Variants in MAGEB18 observed in about 807,000 individuals in gnomAD.
The protein encoded by MAGEB18 is melanoma-associated antigen B18.
A neutral mutation model predicts 6.3 loss-of-function variants in MAGEB18; 6 were observed. The ratio of observed to expected loss-of-function variants is 0.95; its 90% CI spans 0.52 to 1.87. The LOEUF (loss-of-function observed/expected upper bound fraction) is 1.87. MAGEB18 is among the 40% of genes most tolerant of loss of function. The pLI is 0.01. For missense variants in MAGEB18, 228 were observed against 265.4 expected (o/e 0.86, Z 0.98); for synonymous variants, 93 against 97.0 (o/e 0.96, Z 0.24).
In MAGEB18 at chrX:26,139,705, C is replaced by T; in HGVS notation, c.720C>T (p.Pro240=). ...GGAAGCACTTCCTCTATGGGGATCCCAGGAAGGTCATGACCAAAGATTTGG... is the reference window on the plus strand; with the variant it reads ...GGAAGCACTTCCTCTATGGGGATCCTAGGAAGGTCATGACCAAAGATTTGG... The part of the protein sequence containing the change: ...ADRKHFLYGD[P]RKVMTKDLVQ... The change falls in exon 2 of 3, where the codon CCC becomes CCT. Residue 240 remains proline (P), a synonymous_variant. Transcript: ENST00000325250. 1 of 1,211,049 alleles carries T rather than the reference C, an allele frequency of 8.3e-7. No homozygotes were observed. The highest frequency in any genetic ancestry group is 1.1e-6 in the Non-Finnish European group (1 of 895,227).
rs188582818 is a variant in MAGEB18, at chrX:26,140,147, A to G, written c.*37-33A>G. On this transcript the variant is annotated intron_variant, in intron 2 of 2. Coordinates refer to ENST00000325250, the MANE Select transcript of MAGEB18 (RefSeq NM_173699.4). ...ATTCCTATTGTATATTGATAACTCG[A>G]GTTTTACTTTTCCATCTTTTTGTTT... The G allele has an allele frequency of 4.2e-4, 242 of 582,321 alleles. 6 individuals carry two copies. The Admixed American group carries it at 9.9e-3, about 24-fold the overall frequency. The allele number at this position is 582,321 out of a possible 1,213,427, so 48.0% of individuals were successfully genotyped here.
rs1928440307 is a variant in MAGEB18 at position 26,140,225 on chromosome X, A to G, written c.*82A>G. 2.5e-6 allele frequency: 1 copy of G among 408,088 alleles called. No individual in the cohort carries two copies. Among genetic ancestry groups the G allele is most frequent in the Non-Finnish European group, 4.1e-6 (1 of 241,514 alleles). The allele number at this position is 408,088 out of a possible 1,213,427, so 33.6% of individuals were successfully genotyped here. A position where few individuals can be genotyped will look rare whatever the true frequency, so the allele number is the denominator to read the frequency against. Reference sequence around the variant, plus strand: ...GTCTGAAGATTGTTTTCTTTGTGGAAGAGAAGAGCAGTCAACATTCTAAGT... The same window carrying G: ...GTCTGAAGATTGTTTTCTTTGTGGAGGAGAAGAGCAGTCAACATTCTAAGT... On this transcript the variant is annotated 3_prime_UTR_variant, in exon 3 of 3. Coordinates refer to ENST00000325250, the MANE Select transcript of MAGEB18 (RefSeq NM_173699.4).
intron 2 of MAGEB18, 52 bp downstream of exon 2, chrX:26,140,105 G>GCATTCCT: frequency 1.2e-6 from 1 of 839,039 alleles, no homozygotes. Flanking sequence ...GAAGAAATAA[G>GCATTCCT]TGTATATCAT....
chrX:26,138,857 C>T, intron 1 of MAGEB18, 67 bp from the exon 2 acceptor site: 1 of 542,645 alleles, frequency 1.8e-6, no homozygotes, highest in Non-Finnish European at 2.9e-6. Flanking sequence ...GAGAGGTGGC[C>T]ATTCTTAGAC....
In MAGEB18 at chrX:26,139,992, C is replaced by T; in HGVS notation, c.1007C>T (p.Ser336Phe). The T allele has an allele frequency of 8.4e-7, 1 of 1,190,528 alleles. No homozygotes were observed. Among genetic ancestry groups the T allele is most frequent in the Non-Finnish European group, 1.1e-6 (1 of 884,494 alleles). ...GCAAATGCACGTTCCAGAACCACGT[C>T]TAGCAGCTTCTCCCATGCTAAGTGA... ...AMANARSRTT[S>F]SSFSHAK is the part of the protein sequence containing the mutation. Residue 336 changes from serine to phenylalanine, a missense_variant, in exon 2 of 3, where the codon TCT (serine) becomes TTT (phenylalanine). Coordinates refer to ENST00000325250, the MANE Select transcript of MAGEB18 (RefSeq NM_173699.4).
chrX:26,139,687 C>T lies in MAGEB18; in HGVS notation c.702C>T (p.His234=), dbSNP rs1188130087. The change falls in exon 2 of 3, where the codon CAC becomes CAT. Residue 234 remains histidine, a synonymous_variant. Coordinates refer to ENST00000325250, the MANE Select transcript of MAGEB18 (RefSeq NM_173699.4). The stretch of plus-strand genomic sequence containing the variant: ...TGGGTGTATATGCCGATAGGAAGCA[C>T]TTCCTCTATGGGGATCCCAGGAAGG... ...NMMGVYADRK[H]FLYGDPRKVM... 1 of 1,210,916 alleles carries T rather than the reference C, an allele frequency of 8.3e-7. No homozygotes were observed. The highest frequency in any genetic ancestry group is 2.2e-5 in the Admixed American group (1 of 45,948).
In MAGEB18 at chrX:26,139,849, A is replaced by G; in HGVS notation, c.864A>G (p.Val288=). 8.3e-7 allele frequency: 1 copy of G among 1,211,335 alleles called. No individual in the cohort carries two copies. ...GCAAGATGAAAGTCCTGGAGTTTGTAGCCAAGATACATGATACCGTCCCTA... is the reference window on the plus strand; with the variant it reads ...GCAAGATGAAAGTCCTGGAGTTTGTGGCCAAGATACATGATACCGTCCCTA... ...ETSKMKVLEF[V]AKIHDTVPSA... The change falls in exon 2 of 3, where the codon GTA becomes GTG. Residue 288 remains valine (V), a synonymous_variant. Transcript: ENST00000325250.
chrX:26,139,894 T>G lies in MAGEB18; in HGVS notation c.909T>G (p.Tyr303Ter). The G allele has an allele frequency of 8.3e-7, 1 of 1,209,603 alleles. No individual in the cohort carries two copies. Among genetic ancestry groups the G allele is most frequent in the Non-Finnish European group, 1.1e-6 (1 of 894,314 alleles). Residue 303 changes from tyrosine to a stop codon, truncating the protein, a stop_gained, in exon 2 of 3, where the codon TAT becomes TAG. Coordinates refer to ENST00000325250, the MANE Select transcript of MAGEB18 (RefSeq NM_173699.4). LOFTEE classifies it low-confidence loss of function (END_TRUNC). Reference protein sequence around the residue: ...DTVPSAFPSCYEEALRDEEQR... With the variant: ...DTVPSAFPSC ...TCCCTAGTGCCTTCCCATCCTGCTA[T>G]GAAGAGGCTTTGAGGGATGAGGAAC...
chrX:26,140,097 A>G, intron 2 of MAGEB18, 44 bp downstream of exon 2: 18 of 890,148 alleles, frequency 2.0e-5, no homozygotes, highest in Non-Finnish European at 2.8e-5. Flanking sequence ...TGGGGCTGGA[A>G]GAAATAAGTG....
At position 26,139,034 on chromosome X, in the gene MAGEB18, C is replaced by G. The variant is rs1292690056; in HGVS notation, c.49C>G (p.Gln17Glu). ...SKLRAREKRH[Q>E]ARCENQDLGA... ...GCTCCGTGCCCGTGAGAAACGCCACCAGGCTCGTTGTGAGAATCAGGATCT... is the reference window on the plus strand; with the variant it reads ...GCTCCGTGCCCGTGAGAAACGCCACGAGGCTCGTTGTGAGAATCAGGATCT... Residue 17 changes from glutamine to glutamate, a missense_variant, in exon 2 of 3, where the codon CAG (glutamine) becomes GAG (glutamate). Coordinates refer to ENST00000325250, the MANE Select transcript of MAGEB18 (RefSeq NM_173699.4). 1.7e-6 allele frequency: 2 copies of G among 1,207,695 alleles called. No homozygotes were observed. The highest frequency in any genetic ancestry group is 2.2e-5 in the Admixed American group (1 of 45,306).
chrX:26,139,428 T>A lies in MAGEB18; in HGVS notation c.443T>A (p.Ile148Asn), dbSNP rs749612397. Residue 148 changes from isoleucine to asparagine, a missense_variant, in exon 2 of 3, where the codon ATC (isoleucine) becomes AAC (asparagine). By Grantham distance (149) the Ile-to-Asn change is moderately radical. Transcript: ENST00000325250. The part of the protein sequence containing the change: ...IRKDKCHFNE[I>N]LKRASEHMEL... ...AAGGATAAGTGTCACTTCAATGAGATCCTCAAGAGAGCCTCTGAGCACATG... is the reference window on the plus strand; with the variant it reads ...AAGGATAAGTGTCACTTCAATGAGAACCTCAAGAGAGCCTCTGAGCACATG... 18 of 1,198,727 alleles carry A rather than the reference T, an allele frequency of 1.5e-5. No individual in the cohort carries two copies. In the Admixed American group the frequency reaches 4.1e-4, roughly 27 times the overall value.
rs146199149 is a variant in MAGEB18 at position 26,139,662 on chromosome X, T to C, written c.677T>C (p.Met226Thr). ...EEAVWEIMNM[M>T]GVYADRKHFL... ...GCAGTCTGGGAAATTATGAATATGATGGGTGTATATGCCGATAGGAAGCAC... is the reference window on the plus strand; with the variant it reads ...GCAGTCTGGGAAATTATGAATATGACGGGTGTATATGCCGATAGGAAGCAC... The change falls in exon 2 of 3, where the codon ATG becomes ACG. Residue 226 changes from methionine to threonine, a missense_variant. Coordinates refer to ENST00000325250, the MANE Select transcript of MAGEB18 (RefSeq NM_173699.4). The C allele has an allele frequency of 1.9e-5, 23 of 1,206,577 alleles. No individual in the cohort carries two copies. Among genetic ancestry groups the C allele is most frequent in the Non-Finnish European group, 2.1e-5 (19 of 893,563 alleles).
Position 26,139,622 on chromosome X carries a change from C to T in MAGEB18, c.637C>T (p.Arg213Cys), listed in dbSNP as rs374098504. 1.5e-5 allele frequency: 18 copies of T among 1,205,727 alleles called. No homozygotes were observed. The African/African-American group carries it at 1.6e-4, about 11-fold the overall frequency. ...ALGVIFLNGNRAPEEAVWEIM... is the reference protein window; with the variant it reads ...ALGVIFLNGNCAPEEAVWEIM... ...GGGTGTGATCTTTCTGAATGGCAAC[C>T]GTGCCCCAGAAGAGGCAGTCTGGGA... The change falls in exon 2 of 3, where the codon CGT becomes TGT. Residue 213 changes from arginine to cysteine, a missense_variant. Arg to Cys is a radical substitution (Grantham distance 180). Coordinates refer to ENST00000325250, the MANE Select transcript of MAGEB18 (RefSeq NM_173699.4).
At position 26,139,016 on chromosome X, in the gene MAGEB18, G is replaced by A. The variant is rs769618565; in HGVS notation, c.31G>A (p.Ala11Thr). ...TCGAGGTCAGAAGAGTAAGCTCCGT[G>A]CCCGTGAGAAACGCCACCAGGCTCG... MPRGQKSKLRAREKRHQARCE... is the reference protein window; with the variant it reads MPRGQKSKLRTREKRHQARCE... The change falls in exon 2 of 3, where the codon GCC becomes ACC. Residue 11 changes from alanine (A) to threonine (T), a missense_variant. Physicochemically the swap from Ala to Thr is moderately conservative, Grantham distance 58. Transcript: ENST00000325250. 1.2e-5 allele frequency: 15 copies of A among 1,208,509 alleles called. No homozygotes were observed. The highest frequency in any genetic ancestry group is 1.7e-5 in the Non-Finnish European group (15 of 894,329).
Position 26,139,957 on chromosome X carries a change from T to A in MAGEB18, c.972T>A (p.Thr324=). Reference sequence around the variant, plus strand: ...CCAGAGCTGCAGCCAGGGCTCATACTGCTGCCATGGCAAATGCACGTTCCA... The same window carrying A: ...CCAGAGCTGCAGCCAGGGCTCATACAGCTGCCATGGCAAATGCACGTTCCA... The part of the protein sequence containing the change: ...TQARAAARAH[T]AAMANARSRT... The change falls in exon 2 of 3, where the codon ACT becomes ACA. Residue 324 remains threonine (T), a synonymous_variant. Transcript: ENST00000325250. 1 of 1,206,922 alleles carries A rather than the reference T, an allele frequency of 8.3e-7. No individual in the cohort carries two copies. Among genetic ancestry groups the A allele is most frequent in the East Asian group, 3.0e-5 (1 of 33,705 alleles).
chrX:26,138,555 T>C, intron 1 of MAGEB18, 88 bp downstream of exon 1: 1 of 133,914 alleles, frequency 7.5e-6, no homozygotes, highest in Admixed American at 7.6e-5. Flanking sequence ...TGCTCTGTCC[T>C]GCTCCCACTT....
In MAGEB18 at chrX:26,139,588, G is replaced by T. The variant is rs1928428137; in HGVS notation, c.603G>T (p.Met201Ile). ...EEKIPKTGLLMIALGVIFLNG... is the reference protein window; with the variant it reads ...EEKIPKTGLLIIALGVIFLNG... ...AAATTCCCAAGACTGGCCTCCTGATGATTGCACTGGGTGTGATCTTTCTGA... is the reference window on the plus strand; with the variant it reads ...AAATTCCCAAGACTGGCCTCCTGATTATTGCACTGGGTGTGATCTTTCTGA... Residue 201 changes from methionine (M) to isoleucine (I), a missense_variant, in exon 2 of 3, where the codon ATG becomes ATT. Physicochemically the swap from Met to Ile is conservative, Grantham distance 10. Coordinates refer to ENST00000325250, the MANE Select transcript of MAGEB18 (RefSeq NM_173699.4). 8.3e-7 allele frequency: 1 copy of T among 1,204,540 alleles called. No homozygotes were observed. Among genetic ancestry groups the T allele is most frequent in the African/African-American group, 1.8e-5 (1 of 56,874 alleles).
rs771295809 is a variant in MAGEB18 at position 26,140,306 on chromosome X, T to C, written c.*163T>C. The C allele has an allele frequency of 3.9e-6, 1 of 254,995 alleles. No individual in the cohort carries two copies. The highest frequency in any genetic ancestry group is 6.9e-6 in the Non-Finnish European group (1 of 144,441). 21.0% of individuals were successfully genotyped at this position (254,995 alleles called of 1,213,427 possible). Reference sequence around the variant, plus strand: ...CACAGCATATATCATTTTGTGTTAATAGTCTATAGTAACTCGGAGTTGTAT... The same window carrying C: ...CACAGCATATATCATTTTGTGTTAACAGTCTATAGTAACTCGGAGTTGTAT... On this transcript the variant is annotated 3_prime_UTR_variant, in exon 3 of 3. Coordinates refer to ENST00000325250, the MANE Select transcript of MAGEB18 (RefSeq NM_173699.4).
In MAGEB18 at chrX:26,138,924, G is replaced by A; in HGVS notation, c.-62G>A. 1.1e-6 allele frequency: 1 copy of A among 951,415 alleles called. No homozygotes were observed. Among genetic ancestry groups the A allele is most frequent in the Non-Finnish European group, 1.4e-6 (1 of 690,114 alleles). The allele number at this position is 951,415 out of a possible 1,213,427, so 78.4% of individuals were successfully genotyped here. On this transcript the variant is annotated splice_region_variant and 5_prime_UTR_variant, in exon 2 of 3. Transcript: ENST00000325250. Reference sequence around the variant, plus strand: ...CACTATCTCATCCTCCGTCTTCTAGGGTGCCCTCTTCATCAATTCAACTGC... The same window carrying A: ...CACTATCTCATCCTCCGTCTTCTAGAGTGCCCTCTTCATCAATTCAACTGC...
Sources: gnomAD v4.1 joint callset for allele counts on GRCh38, gnomAD v4.1.1 for gene constraint, MANE v1.5 for transcripts, NCBI Gene and HGNC (gene_info 2026-07-23, HGNC 2026-07-21) for gene names.